The following TAF3 variants were observed in gnomAD, a reference collection of about 807,000 sequenced individuals.
The protein encoded by TAF3 is TATA-box binding protein associated factor 3.
Under a neutral mutation model 80.6 loss-of-function variants are expected in TAF3, and 7 were observed. The ratio of observed to expected loss-of-function variants is 0.09; its 90% confidence interval spans 0.05 to 0.16. The LOEUF (loss-of-function observed/expected upper bound fraction) is 0.16, where lower values mean the gene tolerates loss of function less well. Ranked by LOEUF, TAF3 falls within the 10% of genes least tolerant of loss-of-function variation. TAF3 has a pLI of 1.00. For missense variants in TAF3, 921 were observed against 1,140.2 expected (o/e 0.81, Z 2.77); for synonymous variants, 444 against 446.1 (o/e 1.00, Z 0.06).
rs370242363 is a variant in TAF3 at position 7,899,285 on chromosome 10, T to C, written c.410-64635T>C. Among the ~76,000 whole-genome samples the C allele has an allele frequency of 3.3e-5, 5 of 152,158 alleles. No homozygotes were observed. In the East Asian group the frequency reaches 9.8e-4, roughly 30 times the overall value. ...CCTGCCTCCTTCCCTTCCCCAGATG[T>C]CTTCTGCCCAAGGGAAGAAGGAATC... On this transcript the variant is annotated intron_variant, in intron 2 of 6. Transcript: ENST00000344293.
At chr10:7,971,553 G>GA (rs1042863558) in intron 3 of TAF3, among the ~76,000 whole-genome samples, 4 of 151,648 alleles carry the variant, frequency 2.6e-5, no homozygotes, top group Non-Finnish European at 5.9e-5. Flanking sequence ...TACCTTTGCA[G>GA]AAAGTCCCTG....
At chr10:7,821,460 A>C (rs961811366) in intron 1 of TAF3, among the ~76,000 whole-genome samples, 1 of 152,194 alleles carries the variant, frequency 6.6e-6, no homozygotes, top group Admixed American at 6.5e-5. Context: ...CCTGACCATA[A>C]GGTGTGTTCA....
chr10:7,902,323 T>A (rs1402519208), intron 2 of TAF3, among the ~76,000 whole-genome samples: 1 of 152,060 alleles, frequency 6.6e-6, no homozygotes, highest in Non-Finnish European at 1.5e-5. Context: ...CTCGGGAGGC[T>A]GAGGCAGGAG....
chr10:8,013,347 T>C (rs1259676417), intron 5 of TAF3, among the ~76,000 whole-genome samples: 20 of 152,052 alleles, frequency 1.3e-4, no homozygotes. Flanking sequence ...TCTATAACTT[T>C]CAAAAAATCA....
chr10:7,942,655 G>T (rs1016736789), intron 2 of TAF3, among the ~76,000 whole-genome samples: 1 of 152,170 alleles, frequency 6.6e-6, no homozygotes, highest in African/African-American at 2.4e-5. Flanking sequence ...CTTGTTAGGG[G>T]TTGCAAACAC....
At chr10:7,928,749 T>G (rs560437236) in intron 2 of TAF3, among the ~76,000 whole-genome samples, 1 of 152,210 alleles carries the variant, frequency 6.6e-6, no homozygotes, top group Admixed American at 6.5e-5. Flanking sequence ...GCCCTTTCTC[T>G]TATCAAGTAA....
At chr10:7,831,133 A>G (rs1480087450) in intron 2 of TAF3, among the ~76,000 whole-genome samples, 2 of 152,206 alleles carry the variant, frequency 1.3e-5, no homozygotes, top group Non-Finnish European at 2.9e-5. Context: ...AAATAACTTT[A>G]TAAGAAAATC....
chr10:7,825,756 G>A (rs4749282), intron 2 of TAF3, among the ~76,000 whole-genome samples: 7,148 of 152,202 alleles, frequency 0.047, 303 homozygotes, highest in Admixed American at 0.11. Flanking sequence ...ATGGACATTT[G>A]GGTTGTTTCA....
intron 2 of TAF3, among the ~76,000 whole-genome samples, chr10:7,832,058 ACT>A (rs750633365): frequency 2.2e-4 from 34 of 151,968 alleles, no homozygotes; most frequent in Admixed American, 5.9e-4. Context: ...TTTAAAACTT[ACT>A]CTCTTAATGA....
intron 4 of TAF3, among the ~76,000 whole-genome samples, chr10:7,998,121 G>A (rs1431086622): frequency 6.6e-6 from 1 of 151,542 alleles, no homozygotes; most frequent in Non-Finnish European, 1.5e-5. Flanking sequence ...GGTTACTTTA[G>A]TGCCTCTACA....
At chr10:7,972,347 A>G (rs1306168186) in intron 3 of TAF3, among the ~76,000 whole-genome samples, 1 of 152,214 alleles carries the variant, frequency 6.6e-6, no homozygotes, top group Non-Finnish European at 1.5e-5. Context: ...ATCCTCATTA[A>G]TCTTTTTCTA....
intron 4 of TAF3, among the ~76,000 whole-genome samples, chr10:7,981,303 C>T (rs1473493960): frequency 6.6e-6 from 1 of 152,138 alleles, no homozygotes; most frequent in Non-Finnish European, 1.5e-5. Context: ...GCAGTGGGTC[C>T]CCCATGCCCA....
chr10:7,820,836 GC>G (rs1836683228), intron 1 of TAF3, among the ~76,000 whole-genome samples: 1 of 152,178 alleles, frequency 6.6e-6, no homozygotes, highest in South Asian at 2.1e-4. Flanking sequence ...TAATATGCGT[GC>G]ATTTTTATCT....
intron 2 of TAF3, among the ~76,000 whole-genome samples, chr10:7,880,816 C>T (rs909505970): frequency 1.3e-5 from 2 of 152,120 alleles, no homozygotes; most frequent in Admixed American, 6.6e-5. Flanking sequence ...CTTGATGATG[C>T]GTGCAACAGA....
chr10:7,894,347 A>G (rs938489642), intron 2 of TAF3, among the ~76,000 whole-genome samples: 1 of 152,208 alleles, frequency 6.6e-6, no homozygotes. Context: ...GTAGACAAGT[A>G]TTATACAGAA....
intron 2 of TAF3, among the ~76,000 whole-genome samples, chr10:7,944,522 G>A (rs1838006437): frequency 1.3e-5 from 2 of 152,224 alleles, no homozygotes; most frequent in South Asian, 2.1e-4. Flanking sequence ...GATTTGCAAC[G>A]TTAAAGGACA....
intron 3 of TAF3, among the ~76,000 whole-genome samples, chr10:7,971,591 G>T (rs1238717917): frequency 6.6e-6 from 1 of 152,096 alleles, no homozygotes; most frequent in Non-Finnish European, 1.5e-5. Flanking sequence ...AAGCTGGAAT[G>T]CATGAAAGAG....
rs1832036134 is a variant in TAF3, at chr10:8,009,748, A to G, written c.2568+418A>G. Among the ~76,000 whole-genome samples the G allele has an allele frequency of 6.6e-6, 1 of 151,294 alleles. No homozygotes were observed. Among genetic ancestry groups the G allele is most frequent in the Non-Finnish European group, 1.5e-5 (1 of 67,908 alleles). On this transcript the variant is annotated intron_variant, in intron 5 of 6. Transcript: ENST00000344293. The surrounding 1 kb of genome is among the most constrained non-coding windows in gnomAD (Gnocchi z 4.1). Reference sequence around the variant, plus strand: ...GCGATTCTCCTGCCTCAGCCTCCTGAGTAGCTGGGATTACAGGCACGTGCC... The same window carrying G: ...GCGATTCTCCTGCCTCAGCCTCCTGGGTAGCTGGGATTACAGGCACGTGCC...
chr10:7,999,616 C>G (rs1255929057), intron 4 of TAF3, among the ~76,000 whole-genome samples: 1 of 151,996 alleles, frequency 6.6e-6, no homozygotes, highest in South Asian at 2.1e-4. Flanking sequence ...ACCACCATGC[C>G]CGGCTAATTT....
Sources: allele counts gnomAD v4.1 joint callset (sites outside exome capture counted in the v4.1 genomes callset), GRCh38; gene constraint gnomAD v4.1.1; non-coding constraint Gnocchi (gnomAD v3.1); transcripts MANE v1.5; gene names NCBI Gene and HGNC (gene_info 2026-07-23, HGNC 2026-07-21).